MAD1L1: variants seen among roughly 807,000 people sequenced by gnomAD.
The protein encoded by MAD1L1 is mitotic spindle assembly checkpoint protein MAD1.
Under a neutral mutation model 96.9 loss-of-function variants are expected in MAD1L1, and 95 were observed. The ratio of observed to expected loss-of-function variants is 0.98; its 90% CI spans 0.83 to 1.16. The LOEUF is 1.16. MAD1L1 is among the 50% of genes most tolerant of loss of function. The probability of loss-of-function intolerance (pLI) is 0.00; values close to 1 mark genes in which losing one functional copy is unlikely to be tolerated. For missense variants in MAD1L1, 1,007 were observed against 954.4 expected (o/e 1.06, Z -0.73); for synonymous variants, 473 against 396.6 (o/e 1.19, Z -2.29).
chr7:2,039,228 C>G (rs901728924), intron 12 of MAD1L1, among the ~76,000 whole-genome samples: 2 of 152,208 alleles, frequency 1.3e-5, no homozygotes, highest in African/African-American at 4.8e-5. Context: ...GAGTATTACT[C>G]TGTGTGACGG....
chr7:1,987,033 T>C (rs1223405991), intron 14 of MAD1L1, among the ~76,000 whole-genome samples: 2 of 151,968 alleles, frequency 1.3e-5, no homozygotes, highest in South Asian at 2.1e-4. Flanking sequence ...GCCAGACCCA[T>C]GATCCATGTC....
In MAD1L1 at chr7:2,129,367, G is replaced by A. The variant is rs538710376; in HGVS notation, c.1073+19785C>T. Among the ~76,000 whole-genome samples the A allele has an allele frequency of 4.6e-5, 7 of 152,336 alleles. No homozygotes were observed. In the South Asian group the frequency reaches 1.2e-3, roughly 27 times the overall value. On this transcript the variant is annotated intron_variant, in intron 11 of 18. Transcript: ENST00000265854. ...ATAGAAGAGTAAAAGGTCTGTCTCCGCGGGACTGTGAATGTGGACAGGCAC... is the reference window on the plus strand; with the variant it reads ...ATAGAAGAGTAAAAGGTCTGTCTCCACGGGACTGTGAATGTGGACAGGCAC...
At chr7:1,940,507 G>A (rs1306079066) in intron 16 of MAD1L1, 1 of 152,234 alleles carries the variant, frequency 6.6e-6, no homozygotes, top group Non-Finnish European at 1.5e-5. Flanking sequence ...GGGCCTCTGT[G>A]GGCTGGACAG....
chr7:1,914,222 T>C (rs1583765741), intron 17 of MAD1L1, among the ~76,000 whole-genome samples: 1 of 152,216 alleles, frequency 6.6e-6, no homozygotes, highest in Middle Eastern at 3.4e-3. Context: ...GGCGCTGTGA[T>C]GGGTGGCAGG....
chr7:2,210,948 G>A (rs1792912569), intron 10 of MAD1L1, among the ~76,000 whole-genome samples: 1 of 152,226 alleles, frequency 6.6e-6, no homozygotes, highest in Non-Finnish European at 1.5e-5. Flanking sequence ...CAGTTGGGGA[G>A]AAGAGCTCCG....
chr7:2,154,706 C>A (rs1789739685), intron 10 of MAD1L1, among the ~76,000 whole-genome samples: 1 of 152,114 alleles, frequency 6.6e-6, no homozygotes, highest in Non-Finnish European at 1.5e-5. Flanking sequence ...CTAGTGGAAA[C>A]AGAATGGGTT....
intron 18 of MAD1L1, among the ~76,000 whole-genome samples, chr7:1,888,496 G>A (rs1040541621): frequency 2.6e-5 from 4 of 151,830 alleles, no homozygotes; most frequent in African/African-American, 4.8e-5. Flanking sequence ...ATGCATGTAT[G>A]TGGCTGCCTG....
At chr7:2,101,476 A>T in intron 11 of MAD1L1, among the ~76,000 whole-genome samples, 1 of 69,638 alleles carries the variant, frequency 1.4e-5, no homozygotes. Flanking sequence ...CTGGGGCTCC[A>T]CTCCTAAAGG....
chr7:1,895,598 G>A (rs368978861), intron 18 of MAD1L1, among the ~76,000 whole-genome samples: 1 of 152,226 alleles, frequency 6.6e-6, no homozygotes, highest in Non-Finnish European at 1.5e-5. Flanking sequence ...AAGCAACCTC[G>A]TTCCCTGACA....
At chr7:1,924,069 A>G (rs982207974) in intron 17 of MAD1L1, among the ~76,000 whole-genome samples, 4 of 152,264 alleles carry the variant, frequency 2.6e-5, no homozygotes, top group African/African-American at 9.6e-5. Flanking sequence ...GAACCGGGAA[A>G]ACAGAAACCT....
intron 12 of MAD1L1, among the ~76,000 whole-genome samples, chr7:2,054,514 G>A (rs2128519685): frequency 6.6e-6 from 1 of 152,318 alleles, no homozygotes; most frequent in South Asian, 2.1e-4. Flanking sequence ...CTGTGACAAG[G>A]TTGGCTTTCT....
At chr7:2,232,600 C>A (rs985203150) in intron 1 of MAD1L1, among the ~76,000 whole-genome samples, 19 of 152,316 alleles carry the variant, frequency 1.2e-4, no homozygotes, top group African/African-American at 4.3e-4. Flanking sequence ...GCACAAGGGA[C>A]GGCTGCGGAG....
At chr7:2,166,177 G>A (rs1373248347) in intron 10 of MAD1L1, among the ~76,000 whole-genome samples, 1 of 152,192 alleles carries the variant, frequency 6.6e-6, no homozygotes, top group Non-Finnish European at 1.5e-5. Context: ...CCGCAGCCCT[G>A]GACCCAGGCC....
At chr7:1,821,366 G>T (rs533143010) in intron 18 of MAD1L1, among the ~76,000 whole-genome samples, 1 of 151,954 alleles carries the variant, frequency 6.6e-6, no homozygotes, top group Non-Finnish European at 1.5e-5. Context: ...AAGTTTTACC[G>T]AACATTAAAT....
At chr7:2,117,963 C>A (rs1787794630) in intron 11 of MAD1L1, among the ~76,000 whole-genome samples, 1 of 152,218 alleles carries the variant, frequency 6.6e-6, no homozygotes, top group African/African-American at 2.4e-5. Flanking sequence ...GCCCCAGTCC[C>A]TTGCACAGCA....
intron 18 of MAD1L1, chr7:1,874,448 G>A: frequency 6.7e-6 from 3 of 446,218 alleles, no homozygotes; most frequent in Non-Finnish European, 1.3e-5. Context: ...GCCGTGGCCA[G>A]GGTGAGGCTC....
At chr7:2,089,650 C>T (rs1200588657) in intron 11 of MAD1L1, among the ~76,000 whole-genome samples, 4 of 151,588 alleles carry the variant, frequency 2.6e-5, no homozygotes, top group Non-Finnish European at 4.4e-5. Flanking sequence ...ACTTCCAATA[C>T]CTGTCCCCGG....
intron 11 of MAD1L1, among the ~76,000 whole-genome samples, chr7:2,091,029 C>T (rs1475618497): frequency 1.3e-5 from 2 of 152,170 alleles, no homozygotes; most frequent in African/African-American, 4.8e-5. Context: ...GTTTATTTGA[C>T]GCGTCGGGTT....
At chr7:1,846,694 C>T (rs149574390) in intron 18 of MAD1L1, 103 of 161,424 alleles carry the variant, frequency 6.4e-4, no homozygotes, top group Non-Finnish European at 1.1e-3. Flanking sequence ...TTCTGTTGTT[C>T]CCAGAGCGAG....
Sources: allele counts gnomAD v4.1 joint callset (sites outside exome capture counted in the v4.1 genomes callset), GRCh38; gene constraint gnomAD v4.1.1; transcripts MANE v1.5; gene names NCBI Gene and HGNC (gene_info 2026-07-23, HGNC 2026-07-21).